MAPKAP1: variants seen among roughly 807,000 people sequenced by gnomAD.
MAPKAP1 encodes MAPK associated protein 1, also known as target of rapamycin complex 2 subunit MAPKAP1.
Under a neutral mutation model 65.7 loss-of-function variants are expected in MAPKAP1, and 20 were observed. That is an observed-to-expected ratio of 0.30 (90% CI 0.21 to 0.44). The LOEUF is 0.44. Among genes scored for constraint, MAPKAP1 ranks in the 20% least tolerant of loss-of-function variants. The probability of loss-of-function intolerance (pLI) is 1.00; values close to 1 mark genes in which losing one functional copy is unlikely to be tolerated. For synonymous variants in MAPKAP1, 222 were observed against 244.3 expected (o/e 0.91, Z 0.85); for missense variants, 423 against 648.0 (o/e 0.65, Z 3.77).
At chr9:125,506,941 G>A (rs946158505) in intron 7 of MAPKAP1, among the ~76,000 whole-genome samples, 3 of 152,176 alleles carry the variant, frequency 2.0e-5, no homozygotes, top group African/African-American at 4.8e-5. Context: ...AAAACAAATT[G>A]TAAACAGGTA....
At chr9:125,510,698 G>GA (rs888251654) in intron 7 of MAPKAP1, among the ~76,000 whole-genome samples, 2 of 152,216 alleles carry the variant, frequency 1.3e-5, no homozygotes, top group Non-Finnish European at 2.9e-5. Context: ...CAACCTGGGG[G>GA]AAGGCAGGGT....
At chr9:125,548,575 G>A (rs1830495824) in intron 6 of MAPKAP1, among the ~76,000 whole-genome samples, 1 of 152,140 alleles carries the variant, frequency 6.6e-6, no homozygotes, top group African/African-American at 2.4e-5. Flanking sequence ...TCTACAAAAT[G>A]AGGATGATAA....
At chr9:125,663,792 T>C (rs1834257847) in intron 3 of MAPKAP1, among the ~76,000 whole-genome samples, 1 of 152,144 alleles carries the variant, frequency 6.6e-6, no homozygotes, top group Admixed American at 6.5e-5. Flanking sequence ...TCAGGCAGAC[T>C]ATACTTCTTG....
chr9:125,513,466 C>T (rs1162902083), intron 7 of MAPKAP1, among the ~76,000 whole-genome samples: 1 of 152,126 alleles, frequency 6.6e-6, no homozygotes, highest in Non-Finnish European at 1.5e-5. Context: ...TAAGTGTGAG[C>T]AGTAAGAGGA....
At chr9:125,544,437 C>T (rs1830362562) in intron 6 of MAPKAP1, among the ~76,000 whole-genome samples, 1 of 152,006 alleles carries the variant, frequency 6.6e-6, no homozygotes, top group Admixed American at 6.5e-5. Flanking sequence ...TGTAAGCTTC[C>T]AATTAATCAA....
At chr9:125,563,905 G>T (rs1475587885) in intron 5 of MAPKAP1, among the ~76,000 whole-genome samples, 1 of 152,148 alleles carries the variant, frequency 6.6e-6, no homozygotes, top group Non-Finnish European at 1.5e-5. Flanking sequence ...TAGAGACAGG[G>T]TTTCGCCATG....
intron 5 of MAPKAP1, chr9:125,568,835 C>A: frequency 5.8e-6 from 1 of 171,250 alleles, no homozygotes. Context: ...AGAAGCCTGG[C>A]ATGCTGACAA....
At chr9:125,480,966 C>T (rs905422006) in intron 9 of MAPKAP1, among the ~76,000 whole-genome samples, 6 of 115,190 alleles carry the variant, frequency 5.2e-5, no homozygotes, top group Admixed American at 2.2e-4. Flanking sequence ...AGCGAGACTC[C>T]GTTTCGGGGA....
At position 125,439,245 on chromosome 9, in the gene MAPKAP1, CCCAGTCAG is replaced by C. The variant is rs1237032125; in HGVS notation, c.1444-241_1444-234del. Reference sequence around the variant, plus strand: ...GAAGCCAAGTGGCCAGTCCAGGCTTCCCAGTCAGTGAGCGGCGAGCTCTTCAGGTTCCG... The same window carrying C: ...GAAGCCAAGTGGCCAGTCCAGGCTTCTGAGCGGCGAGCTCTTCAGGTTCCG... On this transcript the variant is annotated intron_variant, in intron 11 of 11. Coordinates refer to ENST00000265960, the MANE Select transcript of MAPKAP1 (RefSeq NM_001006617.3). The surrounding 1 kb of genome is among the most constrained non-coding windows in gnomAD (Gnocchi z 4.0). Among the ~76,000 whole-genome samples the C allele has an allele frequency of 2.0e-5, 3 of 152,264 alleles. No homozygotes were observed. Among genetic ancestry groups the C allele is most frequent in the Non-Finnish European group, 4.4e-5 (3 of 68,042 alleles).
chr9:125,446,608 C>T (rs1452685842), intron 10 of MAPKAP1, among the ~76,000 whole-genome samples: 1 of 152,128 alleles, frequency 6.6e-6, no homozygotes, highest in Non-Finnish European at 1.5e-5. Flanking sequence ...ACAAAGGACA[C>T]AGGGCTGTGA....
At chr9:125,670,306 C>T (rs1375709532) in intron 2 of MAPKAP1, among the ~76,000 whole-genome samples, 1 of 151,830 alleles carries the variant, frequency 6.6e-6, no homozygotes, top group African/African-American at 2.4e-5. Flanking sequence ...ATTACTCTAC[C>T]CATTTCAAAA....
At chr9:125,627,684 T>C (rs1432197873) in intron 4 of MAPKAP1, among the ~76,000 whole-genome samples, 3 of 152,066 alleles carry the variant, frequency 2.0e-5, no homozygotes, top group Admixed American at 6.6e-5. Flanking sequence ...GTGCCCAGCT[T>C]TTCATCTGAC....
chr9:125,639,916 CACAG>C (rs1833530112), intron 4 of MAPKAP1, among the ~76,000 whole-genome samples: 1 of 152,156 alleles, frequency 6.6e-6, no homozygotes, highest in African/African-American at 2.4e-5. Context: ...TATACTTGAA[CACAG>C]ACAGGCGCAT....
In MAPKAP1 at chr9:125,529,193, A is replaced by AAAAG. The variant is rs1433672734; in HGVS notation, c.958+13862_958+13865dup. 2.3e-3 allele frequency among the ~76,000 whole-genome samples: 322 copies of AAAAG among 141,098 alleles called. 2 individuals are homozygous for AAAAG. Among genetic ancestry groups the AAAAG allele is most frequent in the South Asian group, 2.5e-3 (11 of 4,472 alleles). The allele number at this position is 141,098 out of a possible 152,430, so 92.6% of individuals were successfully genotyped here. Reference sequence around the variant, plus strand: ...CTATCTCAGGAAAAAAAAAAAAAAAAAAAGAAAGAAAGAAAAAAGAAAAGA... The same window carrying AAAAG: ...CTATCTCAGGAAAAAAAAAAAAAAAAAAAGAAAGAAAGAAAGAAAAAAGAAAAGA... On this transcript the variant is annotated intron_variant, in intron 7 of 11. Transcript: ENST00000265960.
At chr9:125,524,397 G>A (rs1159356256) in intron 7 of MAPKAP1, among the ~76,000 whole-genome samples, 3 of 152,238 alleles carry the variant, frequency 2.0e-5, no homozygotes, top group African/African-American at 7.2e-5. Flanking sequence ...TGGCACATAA[G>A]TGCTCAATAA....
At chr9:125,584,670 G>T (rs562274649) in intron 5 of MAPKAP1, among the ~76,000 whole-genome samples, 1 of 152,042 alleles carries the variant, frequency 6.6e-6, no homozygotes, top group Non-Finnish European at 1.5e-5. Context: ...CAGGTGATCC[G>T]CCCACCTCAG....
intron 4 of MAPKAP1, among the ~76,000 whole-genome samples, chr9:125,623,022 C>T (rs1832957162): frequency 6.6e-6 from 1 of 151,776 alleles, no homozygotes; most frequent in African/African-American, 2.4e-5. Flanking sequence ...GGTCTCCAGC[C>T]CCTAACCGCG....
At chr9:125,444,415 TG>T in intron 11 of MAPKAP1, 85 bp downstream of exon 11, 1 of 1,003,314 alleles carries the variant, frequency 1.0e-6, no homozygotes, top group Non-Finnish European at 1.5e-6. Context: ...AGCTGCGGAG[TG>T]GGTGGGGCTG....
chr9:125,483,176 T>C (rs757377107), intron 9 of MAPKAP1, among the ~76,000 whole-genome samples: 1 of 152,078 alleles, frequency 6.6e-6, no homozygotes, highest in Admixed American at 6.6e-5. Flanking sequence ...TCATTCCCCA[T>C]AGCAACCCTG....
Sources: allele counts gnomAD v4.1 joint callset (sites outside exome capture counted in the v4.1 genomes callset), GRCh38; gene constraint gnomAD v4.1.1; non-coding constraint Gnocchi (gnomAD v3.1); transcripts MANE v1.5; gene names NCBI Gene and HGNC (gene_info 2026-07-23, HGNC 2026-07-21).